ABTB2: variants seen among roughly 807,000 people sequenced by gnomAD.
ABTB2 encodes ankyrin repeat and BTB domain containing 2.
Under a neutral mutation model 104.1 loss-of-function variants are expected in ABTB2, and 56 were observed. That is an observed-to-expected ratio of 0.54 (90% CI 0.43 to 0.67). The LOEUF is 0.67. Among genes scored for constraint, ABTB2 ranks in the 30% least tolerant of loss-of-function variants. The pLI is 0.00. For synonymous variants in ABTB2, 606 were observed against 608.2 expected (o/e 1.00, Z 0.05); for missense variants, 1,279 against 1,407.7 (o/e 0.91, Z 1.46).
At chr11:34,329,364 C>T (rs1409790367) in intron 1 of ABTB2, among the ~76,000 whole-genome samples, 1 of 152,164 alleles carries the variant, frequency 6.6e-6, no homozygotes, top group East Asian at 1.9e-4. Flanking sequence ...TCTTCCATCC[C>T]ACTTCCCACT....
chr11:34,303,147 T>A (rs1183371419), intron 1 of ABTB2, among the ~76,000 whole-genome samples: 2 of 152,192 alleles, frequency 1.3e-5, no homozygotes, highest in African/African-American at 4.8e-5. Flanking sequence ...TTTATGGTAC[T>A]TAGGAAGATG....
intron 1 of ABTB2, among the ~76,000 whole-genome samples, chr11:34,319,539 C>T (rs560373705): frequency 6.6e-5 from 10 of 152,216 alleles, no homozygotes; most frequent in South Asian, 2.1e-4. Flanking sequence ...ATTACCAAGG[C>T]GGGCTGTGGA....
chr11:34,282,011 A>G (rs1854453764), intron 1 of ABTB2, among the ~76,000 whole-genome samples: 1 of 152,224 alleles, frequency 6.6e-6, no homozygotes, highest in Admixed American at 6.5e-5. Flanking sequence ...GCAAAATACC[A>G]TAATGTAGGT....
rs748698726 is a variant in ABTB2, at chr11:34,356,637, C to T, written c.883+64G>A. 5 of 1,466,694 alleles carry T rather than the reference C, an allele frequency of 3.4e-6. No individual in the cohort carries two copies. The highest frequency in any genetic ancestry group is 4.5e-6 in the Non-Finnish European group (5 of 1,102,146). The allele number at this position is 1,466,694 out of a possible 1,614,324, so 90.9% of individuals were successfully genotyped here. ...AGCTTTGTCTCAGGAAATTCACTCCCCCAGTAGCCCAGGGCGGGATTTCTT... is the reference window on the plus strand; with the variant it reads ...AGCTTTGTCTCAGGAAATTCACTCCTCCAGTAGCCCAGGGCGGGATTTCTT... On this transcript the variant is annotated intron_variant, in intron 1 of 16. Coordinates refer to ENST00000435224, the MANE Select transcript of ABTB2 (RefSeq NM_145804.3). The surrounding 1 kb of genome is among the most constrained non-coding windows in gnomAD (Gnocchi z 4.6).
intron 2 of ABTB2, among the ~76,000 whole-genome samples, chr11:34,199,456 A>G (rs182655728): frequency 7.6e-4 from 116 of 152,250 alleles, no homozygotes; most frequent in African/African-American, 2.6e-3. Flanking sequence ...CCCTGATTTC[A>G]TTGGTCTGTG....
intron 1 of ABTB2, among the ~76,000 whole-genome samples, chr11:34,207,171 G>A (rs958124587): frequency 6.6e-6 from 1 of 152,238 alleles, no homozygotes; most frequent in Admixed American, 6.5e-5. Context: ...AAACAGCTGG[G>A]AGAGCCCAGT....
At chr11:34,172,866 C>A (rs1210424533) in intron 4 of ABTB2, among the ~76,000 whole-genome samples, 3 of 152,180 alleles carry the variant, frequency 2.0e-5, no homozygotes, top group Non-Finnish European at 2.9e-5. Flanking sequence ...CCCAAGTATC[C>A]CAAAGAGTTA....
intron 1 of ABTB2, among the ~76,000 whole-genome samples, chr11:34,285,530 T>C (rs1314603482): frequency 6.6e-6 from 1 of 152,108 alleles, no homozygotes; most frequent in African/African-American, 2.4e-5. Context: ...TCAAAAGGTT[T>C]GTAGTTTACA....
At chr11:34,175,411 G>C (rs2467382) in intron 3 of ABTB2, among the ~76,000 whole-genome samples, 145,334 of 152,286 alleles carry the variant, frequency 0.95, 69,743 homozygotes, top group East Asian at 1. Context: ...GATTATATAA[G>C]CCAAAACCTG....
chr11:34,169,994 G>A (rs888879496), intron 5 of ABTB2, among the ~76,000 whole-genome samples: 14 of 152,282 alleles, frequency 9.2e-5, no homozygotes, highest in African/African-American at 2.6e-4. Flanking sequence ...GCCTTAACTC[G>A]CCACTGTCAT....
At chr11:34,196,096 A>G (rs781337650) in intron 3 of ABTB2, among the ~76,000 whole-genome samples, 7 of 152,296 alleles carry the variant, frequency 4.6e-5, no homozygotes, top group Non-Finnish European at 8.8e-5. Flanking sequence ...TCAAACCCAC[A>G]ACTCTTGAGC....
chr11:34,311,593 T>C (rs1479183489), intron 1 of ABTB2, among the ~76,000 whole-genome samples: 1 of 152,178 alleles, frequency 6.6e-6, no homozygotes, highest in Non-Finnish European at 1.5e-5. Context: ...AGAGAACACA[T>C]AATACTTTCA....
At chr11:34,271,533 G>A (rs745767799) in intron 1 of ABTB2, among the ~76,000 whole-genome samples, 1 of 152,162 alleles carries the variant, frequency 6.6e-6, no homozygotes, top group Non-Finnish European at 1.5e-5. Flanking sequence ...GAGCTCAGGA[G>A]TTTGAGACTA....
intron 1 of ABTB2, among the ~76,000 whole-genome samples, chr11:34,339,478 G>A (rs1403031479): frequency 6.6e-6 from 1 of 152,222 alleles, no homozygotes; most frequent in Non-Finnish European, 1.5e-5. Flanking sequence ...TTAACTATGA[G>A]TGATCTGTCA....
chr11:34,265,204 TCA>T (rs2133076899), intron 1 of ABTB2, among the ~76,000 whole-genome samples: 2 of 152,176 alleles, frequency 1.3e-5, no homozygotes, highest in South Asian at 4.2e-4. Flanking sequence ...ATAAGACAAC[TCA>T]CAAACACCCA....
chr11:34,320,204 T>C (rs964889479), intron 1 of ABTB2, among the ~76,000 whole-genome samples: 2 of 152,232 alleles, frequency 1.3e-5, no homozygotes, highest in Admixed American at 1.3e-4. Context: ...GAGCTGCATA[T>C]GATTTATGTC....
At chr11:34,156,650 A>G (rs1852631740) in intron 14 of ABTB2, among the ~76,000 whole-genome samples, 1 of 151,812 alleles carries the variant, frequency 6.6e-6, no homozygotes, top group Non-Finnish European at 1.5e-5. Flanking sequence ...CAGCCTCCCA[A>G]GTAGCTGGGA....
chr11:34,223,140 CG>C (rs1184841078), intron 1 of ABTB2, among the ~76,000 whole-genome samples: 2 of 152,118 alleles, frequency 1.3e-5, no homozygotes, highest in Non-Finnish European at 2.9e-5. Context: ...CATGGACAAG[CG>C]GAGAGTGAGT....
In ABTB2 at chr11:34,357,733, G is replaced by C. The variant is rs1065138; in HGVS notation, c.-150C>G. On this transcript the variant is annotated 5_prime_UTR_variant, in exon 1 of 17. Transcript: ENST00000435224. ...GGCTCGGCGGCCGCATTGCCTGCCC[G>C]GAGGCCGCGGGAAGGTGGCCGAGAT... 1 of 870,912 alleles carries C rather than the reference G, an allele frequency of 1.1e-6. No individual in the cohort carries two copies. The highest frequency in any genetic ancestry group is 1.6e-6 in the Non-Finnish European group (1 of 620,702). 53.9% of individuals were successfully genotyped at this position (870,912 alleles called of 1,614,324 possible).
Sources: allele counts gnomAD v4.1 joint callset (sites outside exome capture counted in the v4.1 genomes callset), GRCh38; gene constraint gnomAD v4.1.1; non-coding constraint Gnocchi (gnomAD v3.1); transcripts MANE v1.5; gene names NCBI Gene and HGNC (gene_info 2026-07-23, HGNC 2026-07-21).